Variants in GAB2 observed in about 807,000 individuals in gnomAD.
GAB2 encodes GRB2 associated binding protein 2.
In GAB2, 26 loss-of-function variants were observed where a neutral mutation model predicts 65.5. The observed-to-expected ratio is 0.40, with a 90% CI of 0.29 to 0.55. The LOEUF (loss-of-function observed/expected upper bound fraction) is 0.55. GAB2 is among the 20% of genes least tolerant of loss of function. The probability of loss-of-function intolerance (pLI) is 0.53; values close to 1 mark genes in which losing one functional copy is unlikely to be tolerated. For missense variants in GAB2, 884 were observed against 875.8 expected (o/e 1.01, Z -0.12); for synonymous variants, 321 against 329.6 (o/e 0.97, Z 0.28).
At chr11:78,346,163 A>C (rs749469191) in intron 1 of GAB2, among the ~76,000 whole-genome samples, 1 of 152,222 alleles carries the variant, frequency 6.6e-6, no homozygotes, top group Non-Finnish European at 1.5e-5. Context: ...CAGAATGACT[A>C]CAATTCTTCA....
intron 3 of GAB2, among the ~76,000 whole-genome samples, chr11:78,233,232 G>A (rs946668958): frequency 6.6e-6 from 1 of 151,990 alleles, no homozygotes; most frequent in African/African-American, 2.4e-5. Context: ...ATGGGGTGTC[G>A]CCATGTTGCC....
chr11:78,298,276 G>C (rs533618645), intron 1 of GAB2, among the ~76,000 whole-genome samples: 1 of 152,172 alleles, frequency 6.6e-6, no homozygotes, highest in African/African-American at 2.4e-5. Context: ...CAGAATATGG[G>C]AGATACCGGA....
intron 1 of GAB2, among the ~76,000 whole-genome samples, chr11:78,406,047 T>A (rs1857039997): frequency 6.6e-6 from 1 of 152,194 alleles, no homozygotes; most frequent in Admixed American, 6.5e-5. Context: ...TGAGGCCAGG[T>A]GACACCTGCT....
chr11:78,308,987 A>G (rs750479608), intron 1 of GAB2, among the ~76,000 whole-genome samples: 2 of 152,250 alleles, frequency 1.3e-5, no homozygotes, highest in Non-Finnish European at 2.9e-5. Flanking sequence ...AGACAGGAAG[A>G]GAAATTAACA....
At chr11:78,286,847 A>C (rs867515795) in intron 1 of GAB2, among the ~76,000 whole-genome samples, 18 of 152,362 alleles carry the variant, frequency 1.2e-4, no homozygotes, top group Middle Eastern at 3.4e-3. Flanking sequence ...TACAAAAATG[A>C]AAAATTGCTG....
intron 1 of GAB2, among the ~76,000 whole-genome samples, chr11:78,385,601 T>G (rs1786410391): frequency 6.6e-6 from 1 of 152,206 alleles, no homozygotes; most frequent in Non-Finnish European, 1.5e-5. Flanking sequence ...CCAACCTTAT[T>G]AAATACCAGA....
At chr11:78,356,919 C>T (rs1473143401) in intron 1 of GAB2, among the ~76,000 whole-genome samples, 1 of 152,092 alleles carries the variant, frequency 6.6e-6, no homozygotes, top group African/African-American at 2.4e-5. Flanking sequence ...ACTGTATGAT[C>T]CCATTTATAT....
At chr11:78,363,202 T>G (rs988022635) in intron 1 of GAB2, among the ~76,000 whole-genome samples, 3 of 152,196 alleles carry the variant, frequency 2.0e-5, no homozygotes, top group Admixed American at 6.5e-5. Context: ...TGACCAGTAT[T>G]CAAACACAGA....
intron 1 of GAB2, among the ~76,000 whole-genome samples, chr11:78,359,813 G>A (rs756615453): frequency 1.3e-4 from 20 of 152,170 alleles, no homozygotes; most frequent in Non-Finnish European, 2.8e-4. Flanking sequence ...GGTGTAGTGC[G>A]TTGAATGGTC....
chr11:78,403,823 T>C (rs747628093), intron 1 of GAB2, among the ~76,000 whole-genome samples: 1 of 152,152 alleles, frequency 6.6e-6, no homozygotes, highest in African/African-American at 2.4e-5. Context: ...CGAGAAAATA[T>C]GTGTAAACTA....
At chr11:78,292,003 GGTGT>G (rs71877307) in intron 1 of GAB2, among the ~76,000 whole-genome samples, 82 of 147,566 alleles carry the variant, frequency 5.6e-4, no homozygotes, top group East Asian at 1.8e-3. Flanking sequence ...GGTGTGTAGG[GGTGT>G]GTGTGTGTGT....
chr11:78,247,561 C>T (rs1014362658), intron 3 of GAB2, among the ~76,000 whole-genome samples: 2 of 152,154 alleles, frequency 1.3e-5, no homozygotes, highest in African/African-American at 4.8e-5. Context: ...GGCATTTTCT[C>T]ATTGTATACT....
At chr11:78,327,569 A>G (rs1855845959) in intron 1 of GAB2, among the ~76,000 whole-genome samples, 1 of 152,186 alleles carries the variant, frequency 6.6e-6, no homozygotes, top group Admixed American at 6.5e-5. Flanking sequence ...GGGAAACAAC[A>G]TACCATTGAA....
intron 1 of GAB2, among the ~76,000 whole-genome samples, chr11:78,389,803 C>G (rs1055469609): frequency 6.6e-5 from 10 of 152,316 alleles, no homozygotes; most frequent in African/African-American, 2.4e-4. Context: ...ACCACCCCTG[C>G]CAGTCAAATC....
At position 78,336,074 on chromosome 11, in the gene GAB2, G is replaced by A. The variant is rs576446721; in HGVS notation, c.76-55173C>T. On this transcript the variant is annotated intron_variant, in intron 1 of 9. Transcript: ENST00000361507. ...CACACCTGCAATCCCAGTACTTTGG[G>A]AGGCGGAGGGAGGCGGATCACTGGA... 3.9e-5 allele frequency among the ~76,000 whole-genome samples: 6 copies of A among 152,080 alleles called. No individual in the cohort carries two copies. The South Asian group carries it at 1.2e-3, about 32-fold the overall frequency.
At chr11:78,220,469 G>A (rs1864367578) in intron 8 of GAB2, 25 bp from the exon 9 acceptor site, 1 of 1,546,254 alleles carries the variant, frequency 6.5e-7, no homozygotes, top group Non-Finnish European at 8.8e-7. Context: ...AAAAAACTGT[G>A]AGTGACTGCA....
chr11:78,367,824 T>C (rs1006033413), intron 1 of GAB2, among the ~76,000 whole-genome samples: 1 of 136,110 alleles, frequency 7.3e-6, no homozygotes, highest in African/African-American at 2.9e-5. Context: ...TCTTTTTCTT[T>C]TTTTTTTTTT....
At chr11:78,406,212 G>A (rs1857042200) in intron 1 of GAB2, among the ~76,000 whole-genome samples, 1 of 152,180 alleles carries the variant, frequency 6.6e-6, no homozygotes, top group South Asian at 2.1e-4. Context: ...TTCCTATCGG[G>A]AGTGTCAATG....
At chr11:78,372,888 C>T (rs146367399) in intron 1 of GAB2, among the ~76,000 whole-genome samples, 1 of 152,080 alleles carries the variant, frequency 6.6e-6, no homozygotes, top group Non-Finnish European at 1.5e-5. Context: ...CTTAAAAATT[C>T]TTTATTAAGA....
Sources: allele counts gnomAD v4.1 joint callset (sites outside exome capture counted in the v4.1 genomes callset), GRCh38; gene constraint gnomAD v4.1.1; transcripts MANE v1.5; gene names NCBI Gene and HGNC (gene_info 2026-07-23, HGNC 2026-07-21).